Variants in AP4S1 observed in about 807,000 individuals in gnomAD.
The protein encoded by AP4S1 is adaptor related protein complex 4 subunit sigma 1.
A neutral mutation model predicts 19.8 loss-of-function variants in AP4S1; 23 were observed. The observed-to-expected ratio is 1.16, with a 90% CI of 0.84 to 1.65. The LOEUF (loss-of-function observed/expected upper bound fraction) is 1.65, where lower values mean the gene tolerates loss of function less well. Ranked by LOEUF, AP4S1 falls within the 40% of genes most tolerant of loss-of-function variation. The pLI is 0.00. For missense variants in AP4S1, 166 were observed against 172.8 expected, an observed-to-expected ratio of 0.96 and a Z score of 0.22; for synonymous variants, 46 against 54.1, an observed-to-expected ratio of 0.85 and a Z score of 0.66.
intron 1 of AP4S1, among the ~76,000 whole-genome samples, chr14:31,065,686 G>C (rs1313452185): frequency 6.6e-6 from 1 of 151,674 alleles, no homozygotes; most frequent in Non-Finnish European, 1.5e-5. Flanking sequence ...TTTGAGACAG[G>C]GTTTTGCTCT....
intron 1 of AP4S1, among the ~76,000 whole-genome samples, chr14:31,056,549 G>T (rs1196740189): frequency 6.6e-6 from 1 of 151,458 alleles, no homozygotes; most frequent in African/African-American, 2.4e-5. Context: ...AGTAGAGATG[G>T]GGTTTCGCCA....
chr14:31,068,159 C>G (rs147410479), intron 2 of AP4S1, among the ~76,000 whole-genome samples: 1 of 152,224 alleles, frequency 6.6e-6, no homozygotes, highest in Admixed American at 6.5e-5. Context: ...TGAGCCACCA[C>G]GCCCGGCCCC....
intron 1 of AP4S1, among the ~76,000 whole-genome samples, chr14:31,050,357 G>T (rs1305910292): frequency 1.3e-5 from 2 of 152,002 alleles, no homozygotes; most frequent in Non-Finnish European, 2.9e-5. Flanking sequence ...ACCGTGCCCG[G>T]CCTATTTGTT....
At chr14:31,027,228 A>G (rs984952512) in intron 1 of AP4S1, 1 of 152,182 alleles carries the variant, frequency 6.6e-6, no homozygotes, top group Admixed American at 6.5e-5. Flanking sequence ...GAGACTGGCT[A>G]GACTAACAAT....
intron 4 of AP4S1, among the ~76,000 whole-genome samples, chr14:31,076,046 A>C (rs1203883035): frequency 6.6e-6 from 1 of 152,208 alleles, no homozygotes; most frequent in Non-Finnish European, 1.5e-5. Context: ...GGATATACCA[A>C]ATTTTTTTAT....
chr14:31,049,508 C>CACAT (rs1330588342), intron 1 of AP4S1, among the ~76,000 whole-genome samples: 1 of 141,002 alleles, frequency 7.1e-6, no homozygotes, highest in African/African-American at 2.7e-5. Flanking sequence ...CACACACACA[C>CACAT]ATAAATTACC....
chr14:31,033,753 T>C (rs1295290857), intron 1 of AP4S1, among the ~76,000 whole-genome samples: 1 of 152,236 alleles, frequency 6.6e-6, no homozygotes, highest in Non-Finnish European at 1.5e-5. Flanking sequence ...ACTTGAACCC[T>C]TTGGATAATA....
At chr14:31,053,448 G>A (rs563571521) in intron 1 of AP4S1, among the ~76,000 whole-genome samples, 14 of 152,220 alleles carry the variant, frequency 9.2e-5, no homozygotes, top group Non-Finnish European at 1.8e-4. Flanking sequence ...AGCAAGTCAC[G>A]AAGAACAGAG....
At chr14:31,063,390 C>T (rs1437897819) in intron 1 of AP4S1, among the ~76,000 whole-genome samples, 2 of 152,064 alleles carry the variant, frequency 1.3e-5, no homozygotes, top group South Asian at 2.1e-4. Context: ...AGATCGACTG[C>T]ACCATTGCAC....
rs6571386 is a variant in AP4S1, at chr14:31,066,397, G to C, written c.138+63G>C. On this transcript the variant is annotated intron_variant, in intron 2 of 5. Transcript: ENST00000542754. ...CTCAGCCTTGGCAGATTTGTTATTA[G>C]TGAGTCTCAGGGGCCATCATTTTCT... 1,573,180 of 1,603,948 alleles carry C rather than the reference G, an allele frequency of 0.98. 772,659 individuals are homozygous for C. The highest frequency in any genetic ancestry group is 0.99 in the Middle Eastern group (6,008 of 6,040).
intron 4 of AP4S1, among the ~76,000 whole-genome samples, chr14:31,076,047 A>AT (rs1436175548): frequency 6.6e-6 from 1 of 152,034 alleles, no homozygotes; most frequent in African/African-American, 2.4e-5. Context: ...GATATACCAA[A>AT]TTTTTTTATC....
intron 3 of AP4S1, among the ~76,000 whole-genome samples, chr14:31,070,321 G>A (rs1427908145): frequency 6.6e-6 from 1 of 152,130 alleles, no homozygotes; most frequent in Non-Finnish European, 1.5e-5. Context: ...GCTCACTGCA[G>A]CCTTGAATTC....
At chr14:31,088,929 G>C (rs541710359) in intron 5 of AP4S1, among the ~76,000 whole-genome samples, 1 of 151,856 alleles carries the variant, frequency 6.6e-6, no homozygotes, top group East Asian at 1.9e-4. Context: ...GGCCGAGAAA[G>C]GCAAAGTGCC....
chr14:31,026,286 G>A (rs1219494633), intron 1 of AP4S1: 1 of 1,257,570 alleles, frequency 8.0e-7, no homozygotes, highest in Non-Finnish European at 1.0e-6. Context: ...GAGGCCGGCC[G>A]GGAGAGGGGC....
chr14:31,034,624 T>C (rs1235693044), intron 1 of AP4S1, among the ~76,000 whole-genome samples: 4 of 146,490 alleles, frequency 2.7e-5, no homozygotes, highest in African/African-American at 1.0e-4. Flanking sequence ...TTTTTTTTTT[T>C]TTTTTTTTTT....
At chr14:31,026,881 A>T (rs1884018943) in intron 1 of AP4S1, 1 of 152,172 alleles carries the variant, frequency 6.6e-6, no homozygotes, top group South Asian at 2.1e-4. Flanking sequence ...TGTTTCAGGC[A>T]GTCCCAAGGG....
At chr14:31,073,045 A>G (rs775501782) in intron 4 of AP4S1, 72 bp downstream of exon 4, 5 of 1,273,102 alleles carry the variant, frequency 3.9e-6, no homozygotes, top group East Asian at 2.3e-5. Context: ...CTTTGGATCT[A>G]TATCAAGAAC....
chr14:31,084,846 AT>A (rs748006650), intron 5 of AP4S1: 1 of 1,614,206 alleles, frequency 6.2e-7, no homozygotes, highest in South Asian at 1.1e-5. Context: ...ACAGTTCATC[AT>A]TCAAAGGAGC....
intron 1 of AP4S1, among the ~76,000 whole-genome samples, chr14:31,056,900 C>A (rs1886151589): frequency 6.6e-6 from 1 of 152,048 alleles, no homozygotes; most frequent in Admixed American, 6.6e-5. Context: ...AACTGGAAAC[C>A]CCGCCTTTAC....
Sources: allele counts gnomAD v4.1 joint callset (sites outside exome capture counted in the v4.1 genomes callset), GRCh38; gene constraint gnomAD v4.1.1; transcripts MANE v1.5; gene names NCBI Gene and HGNC (gene_info 2026-07-23, HGNC 2026-07-21).